CSMD3: variants seen among roughly 807,000 people sequenced by gnomAD.
CSMD3 encodes CUB and Sushi multiple domains 3.
In CSMD3, 177 loss-of-function variants were observed where a neutral mutation model predicts 435.2. That is an observed-to-expected ratio of 0.41 (90% CI 0.36 to 0.46). The LOEUF is 0.46. Ranked by LOEUF, CSMD3 falls within the 20% of genes least tolerant of loss-of-function variation. The probability of loss-of-function intolerance (pLI) is 0.34; values close to 1 mark genes in which losing one functional copy is unlikely to be tolerated. For missense variants in CSMD3, 4,265 were observed against 4,504.6 expected (o/e 0.95, Z 1.52); for synonymous variants, 1,656 against 1,520.5 (o/e 1.09, Z -2.07).
intron 2 of CSMD3, among the ~76,000 whole-genome samples, chr8:113,298,462 T>C (rs1419935495): frequency 6.6e-6 from 1 of 152,172 alleles, no homozygotes; most frequent in African/African-American, 2.4e-5. Context: ...CAAATTAATT[T>C]GTTAAATCTG....
chr8:112,601,484 A>G (rs1036658331), intron 22 of CSMD3, among the ~76,000 whole-genome samples: 1 of 152,202 alleles, frequency 6.6e-6, no homozygotes, highest in Admixed American at 6.5e-5. Context: ...CACTTTCTCA[A>G]GGACTATAGG....
chr8:113,148,133 G>A (rs2091721961), intron 4 of CSMD3, among the ~76,000 whole-genome samples: 1 of 151,676 alleles, frequency 6.6e-6, no homozygotes, highest in African/African-American at 2.4e-5. Context: ...CATTTCTAAA[G>A]AGTTTTATAT....
Position 112,846,798 on chromosome 8 carries a change from T to G in CSMD3, c.1755+12347A>C, listed in dbSNP as rs537665733. On this transcript the variant is annotated intron_variant, in intron 11 of 70. Coordinates refer to ENST00000297405, the MANE Select transcript of CSMD3 (RefSeq NM_198123.2). Reference sequence around the variant, plus strand: ...GAGTAATTCACTTTAAATAAAGTATTTCAATTAAATAAACCATTTGAACAA... The same window carrying G: ...GAGTAATTCACTTTAAATAAAGTATGTCAATTAAATAAACCATTTGAACAA... Among the ~76,000 whole-genome samples the G allele has an allele frequency of 3.9e-5, 6 of 152,172 alleles. No individual in the cohort carries two copies. In the South Asian group the frequency reaches 1.0e-3, roughly 26 times the overall value.
intron 61 of CSMD3, among the ~76,000 whole-genome samples, chr8:112,258,750 C>T (rs919223917): frequency 2.2e-4 from 34 of 152,056 alleles, no homozygotes; most frequent in African/African-American, 8.0e-4. Context: ...CTAGAAATAC[C>T]ATTTGATGGC....
At chr8:112,333,325 G>T (rs1409597024) in intron 45 of CSMD3, among the ~76,000 whole-genome samples, 4 of 151,956 alleles carry the variant, frequency 2.6e-5, no homozygotes, top group Non-Finnish European at 4.4e-5. Flanking sequence ...GAACCACCAC[G>T]CCTGGCTAAT....
At chr8:113,087,376 C>G (rs1287320752) in intron 5 of CSMD3, among the ~76,000 whole-genome samples, 1 of 151,772 alleles carries the variant, frequency 6.6e-6, no homozygotes, top group East Asian at 1.9e-4. Context: ...TCATATGGAA[C>G]CAAAAAAGAG....
chr8:113,246,550 G>T (rs2093278189), intron 3 of CSMD3, among the ~76,000 whole-genome samples: 1 of 151,872 alleles, frequency 6.6e-6, no homozygotes, highest in Admixed American at 6.6e-5. Flanking sequence ...TAAAGTCTTT[G>T]TCTAGTAAGT....
At chr8:112,405,234 T>TATATATGTATATATATATATATATAC (rs1831726202) in intron 35 of CSMD3, among the ~76,000 whole-genome samples, 4 of 93,572 alleles carry the variant, frequency 4.3e-5, no homozygotes, top group Admixed American at 2.4e-4. Context: ...TATATATATA[T>TATATATGTATATATATATATATATAC]ATATATATAT....
Position 112,458,433 on chromosome 8 carries a change from T to A in CSMD3, c.5395+14158A>T, listed in dbSNP as rs557855615. Among the ~76,000 whole-genome samples, 12 of 152,200 alleles carry A rather than the reference T, an allele frequency of 7.9e-5. No homozygotes were observed. In the East Asian group the frequency reaches 2.1e-3, roughly 27 times the overall value. ...TTAGTGAATTCTAAATAAAGAAATG[T>A]CTCTAGAGTAGATAAGAACATTTCT... is the stretch of plus-strand genomic sequence containing the variant. On this transcript the variant is annotated intron_variant, in intron 32 of 70. Coordinates refer to ENST00000297405, the MANE Select transcript of CSMD3 (RefSeq NM_198123.2).
At chr8:113,285,974 C>T (rs1271867971) in intron 2 of CSMD3, among the ~76,000 whole-genome samples, 2 of 151,852 alleles carry the variant, frequency 1.3e-5, no homozygotes, top group South Asian at 4.1e-4. Context: ...TTGTCTATGG[C>T]AATTTTTTCA....
In CSMD3 at chr8:113,293,652, A is replaced by G. The variant is rs558278081; in HGVS notation, c.402-14948T>C. On this transcript the variant is annotated intron_variant, in intron 2 of 70. Coordinates refer to ENST00000297405, the MANE Select transcript of CSMD3 (RefSeq NM_198123.2). The stretch of plus-strand genomic sequence containing the variant: ...CTAGCCATATTTTCTTTCTTTGCTA[A>G]ATAACTCCTGAATCACTTCTTTTCC... Among the ~76,000 whole-genome samples the G allele has an allele frequency of 2.0e-3, 312 of 152,208 alleles. 1 individual carries two copies. Among genetic ancestry groups the G allele is most frequent in the Non-Finnish European group, 3.7e-3 (250 of 67,996 alleles).
intron 11 of CSMD3, among the ~76,000 whole-genome samples, chr8:112,839,500 A>G (rs2080121053): frequency 6.6e-6 from 1 of 151,812 alleles, no homozygotes; most frequent in African/African-American, 2.4e-5. Flanking sequence ...CATATAAATG[A>G]TCAACTTGAA....
At chr8:113,406,703 AGAG>A (rs752180478) in intron 1 of CSMD3, among the ~76,000 whole-genome samples, 3 of 151,918 alleles carry the variant, frequency 2.0e-5, no homozygotes, top group South Asian at 4.1e-4. Context: ...ATCTATGGGG[AGAG>A]GAGAACTCTA....
chr8:112,433,265 A>T (rs1281194963), intron 32 of CSMD3, among the ~76,000 whole-genome samples: 2 of 152,092 alleles, frequency 1.3e-5, no homozygotes, highest in Non-Finnish European at 2.9e-5. Context: ...AAGAAATAAT[A>T]CTTCTTTTAT....
intron 3 of CSMD3, among the ~76,000 whole-genome samples, chr8:113,223,879 C>T (rs1377121585): frequency 6.7e-6 from 1 of 150,204 alleles, no homozygotes; most frequent in African/African-American, 2.4e-5. Context: ...AGCTACTAAT[C>T]GGTAATGGCA....
chr8:113,368,535 G>T (rs2094327563), intron 1 of CSMD3, among the ~76,000 whole-genome samples: 1 of 152,064 alleles, frequency 6.6e-6, no homozygotes, highest in East Asian at 1.9e-4. Context: ...TTTATATAAA[G>T]ATGTTAATGT....
intron 17 of CSMD3, among the ~76,000 whole-genome samples, chr8:112,658,829 T>C (rs1390041912): frequency 2.0e-5 from 3 of 151,964 alleles, no homozygotes; most frequent in African/African-American, 7.2e-5. Context: ...GTGGTTGGCG[T>C]CTGTAATCCT....
At chr8:112,973,415 C>T (rs1391737514) in intron 7 of CSMD3, among the ~76,000 whole-genome samples, 1 of 151,862 alleles carries the variant, frequency 6.6e-6, no homozygotes, top group Non-Finnish European at 1.5e-5. Flanking sequence ...CAAAATCTAT[C>T]TTGTACCACT....
At chr8:113,280,157 G>C (rs983044575) in intron 2 of CSMD3, among the ~76,000 whole-genome samples, 2 of 151,790 alleles carry the variant, frequency 1.3e-5, no homozygotes, top group Non-Finnish European at 2.9e-5. Context: ...CCTGGTTTTG[G>C]TATTAGGATG....
Sources: allele counts gnomAD v4.1 joint callset (sites outside exome capture counted in the v4.1 genomes callset), GRCh38; gene constraint gnomAD v4.1.1; transcripts MANE v1.5; gene names NCBI Gene and HGNC (gene_info 2026-07-23, HGNC 2026-07-21).